NBEA: variants seen among roughly 807,000 people sequenced by gnomAD.
NBEA encodes neurobeachin.
In NBEA, 44 loss-of-function variants were observed where a neutral mutation model predicts 343.4. The ratio of observed to expected loss-of-function variants is 0.13; its 90% CI spans 0.10 to 0.16. The LOEUF (loss-of-function observed/expected upper bound fraction) is 0.16, where lower values mean the gene tolerates loss of function less well. Ranked by LOEUF, NBEA falls within the 10% of genes least tolerant of loss-of-function variation. NBEA has a pLI of 1.00. For synonymous variants in NBEA, 1,175 were observed against 1,238.7 expected, an observed-to-expected ratio of 0.95 and a Z score of 1.08; for missense variants, 2,555 against 3,631.3, an observed-to-expected ratio of 0.70 and a Z score of 7.62.
intron 1 of NBEA, among the ~76,000 whole-genome samples, chr13:35,027,214 T>C (rs900334602): frequency 1.3e-5 from 2 of 152,256 alleles, no homozygotes; most frequent in Middle Eastern, 3.4e-3. Context: ...TTAACAATTA[T>C]GTACAGGTTT....
chr13:35,087,019 T>C (rs934032177), intron 10 of NBEA, among the ~76,000 whole-genome samples: 4 of 152,056 alleles, frequency 2.6e-5, no homozygotes, highest in African/African-American at 9.6e-5. Context: ...TTGAGTTGTT[T>C]GAGTTCCTTG....
chr13:34,984,717 G>T (rs903473172), intron 1 of NBEA, among the ~76,000 whole-genome samples: 2 of 150,980 alleles, frequency 1.3e-5, no homozygotes, highest in African/African-American at 4.8e-5. Context: ...ATTTCGTTGA[G>T]CAGTGGTTTG....
At chr13:35,360,503 G>A (rs190488359) in intron 38 of NBEA, among the ~76,000 whole-genome samples, 54 of 152,128 alleles carry the variant, frequency 3.5e-4, no homozygotes, top group Non-Finnish European at 6.5e-4. Context: ...AAATCTCACC[G>A]TTTCTCAAGG....
chr13:34,954,703 TA>T (rs2059440898), intron 1 of NBEA, among the ~76,000 whole-genome samples: 1 of 152,180 alleles, frequency 6.6e-6, no homozygotes, highest in Non-Finnish European at 1.5e-5. Context: ...TATTTGCATA[TA>T]ACCAATGAAT....
intron 38 of NBEA, among the ~76,000 whole-genome samples, chr13:35,387,833 G>C (rs192790334): frequency 2.1e-4 from 32 of 152,184 alleles, no homozygotes; most frequent in African/African-American, 7.7e-4. Flanking sequence ...ATGATAAATG[G>C]TAACGCTCTG....
At chr13:35,205,386 TTC>T (rs2073322478) in intron 31 of NBEA, among the ~76,000 whole-genome samples, 1 of 152,144 alleles carries the variant, frequency 6.6e-6, no homozygotes, top group South Asian at 2.1e-4. Flanking sequence ...GATTTTTTTC[TTC>T]TTGTTGGTCC....
At chr13:35,488,969 G>T (rs967316375) in intron 41 of NBEA, among the ~76,000 whole-genome samples, 2 of 151,740 alleles carry the variant, frequency 1.3e-5, no homozygotes, top group African/African-American at 4.8e-5. Flanking sequence ...TAAGTAATTT[G>T]TAAAATACAA....
chr13:35,031,169 A>G (rs1383116750), intron 1 of NBEA, among the ~76,000 whole-genome samples: 2 of 151,664 alleles, frequency 1.3e-5, no homozygotes, highest in Non-Finnish European at 3.0e-5. Context: ...GGTTCAATCA[A>G]TAAGTGTCCG....
At chr13:35,297,134 A>G (rs1336544029) in intron 35 of NBEA, among the ~76,000 whole-genome samples, 1 of 151,972 alleles carries the variant, frequency 6.6e-6, no homozygotes, top group Non-Finnish European at 1.5e-5. Context: ...ACATGTGTTC[A>G]TTTGTATGTA....
chr13:35,506,203 C>T (rs2077066430), intron 41 of NBEA, among the ~76,000 whole-genome samples: 1 of 152,272 alleles, frequency 6.6e-6, no homozygotes, highest in East Asian at 1.9e-4. Context: ...GCTGGGACTA[C>T]AGGCACGTGC....
intron 1 of NBEA, among the ~76,000 whole-genome samples, chr13:35,008,334 T>C (rs1205965159): frequency 6.6e-6 from 1 of 152,222 alleles, no homozygotes; most frequent in African/African-American, 2.4e-5. Context: ...CTCTAATCCC[T>C]TAAGGAAAAT....
chr13:35,624,064 G>A (rs1307857655), intron 48 of NBEA, among the ~76,000 whole-genome samples: 1 of 151,574 alleles, frequency 6.6e-6, no homozygotes, highest in Non-Finnish European at 1.5e-5. Flanking sequence ...GGGTGTGTGT[G>A]TGTGTGTGTG....
intron 6 of NBEA, among the ~76,000 whole-genome samples, chr13:35,055,160 CCTTAA>C (rs1396482339): frequency 6.6e-6 from 1 of 151,942 alleles, no homozygotes; most frequent in African/African-American, 2.4e-5. Context: ...AATTTTCCCC[CCTTAA>C]CTTCAGAAAG....
At chr13:35,566,386 GATAAAATAGAATACCACCAC>G (rs2080139371) in intron 44 of NBEA, among the ~76,000 whole-genome samples, 1 of 151,016 alleles carries the variant, frequency 6.6e-6, no homozygotes, top group African/African-American at 2.4e-5. Context: ...ATAAATAAAA[GATAAAATAGAATACCACCAC>G]ATAAGCTGCA....
intron 34 of NBEA, among the ~76,000 whole-genome samples, chr13:35,268,998 T>G (rs1430175174): frequency 6.6e-6 from 1 of 152,094 alleles, no homozygotes; most frequent in Non-Finnish European, 1.5e-5. Flanking sequence ...CCAGCAGATC[T>G]GTATTGTAAC....
intron 41 of NBEA, among the ~76,000 whole-genome samples, chr13:35,491,297 T>C (rs1282854384): frequency 2.0e-5 from 3 of 151,910 alleles, no homozygotes; most frequent in Non-Finnish European, 4.4e-5. Flanking sequence ...TTTCAAACAA[T>C]ACTCGCCAAT....
At chr13:35,581,295 C>T (rs905408306) in intron 45 of NBEA, among the ~76,000 whole-genome samples, 1 of 151,902 alleles carries the variant, frequency 6.6e-6, no homozygotes, top group African/African-American at 2.4e-5. Context: ...TGTTTCCTGA[C>T]TTTTTAATGA....
chr13:35,628,841 C>T (rs916994244), intron 49 of NBEA, among the ~76,000 whole-genome samples: 1 of 152,116 alleles, frequency 6.6e-6, no homozygotes. Context: ...TCACTTGAAC[C>T]CAGGAGGCAG....
rs142722178 is a variant in NBEA, at chr13:35,152,527, T to C, written c.2446-3247T>C. On this transcript the variant is annotated intron_variant, in intron 18 of 58. Coordinates refer to ENST00000379939, the MANE Select transcript of NBEA (RefSeq NM_001385012.1). ...CTAATACTACAAAATTTATGCATGA[T>C]GAAGCTGGGGAGCAGGTGCATCAGA... Among the ~76,000 whole-genome samples, 225 of 152,326 alleles carry C rather than the reference T, an allele frequency of 1.5e-3. 1 individual carries two copies. Among genetic ancestry groups the C allele is most frequent in the African/African-American group, 5.0e-3 (206 of 41,574 alleles).
Sources: gnomAD v4.1 joint callset for allele counts (sites outside exome capture counted in the v4.1 genomes callset) on GRCh38, gnomAD v4.1.1 for gene constraint, MANE v1.5 for transcripts, NCBI Gene and HGNC (gene_info 2026-07-23, HGNC 2026-07-21) for gene names.